Variants in CTPS1 observed in about 807,000 individuals in gnomAD.
CTPS1 encodes the protein CTP synthase 1.
CTPS1 carries 25 observed loss-of-function variants against 80.5 expected under a neutral mutation model. The ratio of observed to expected loss-of-function variants is 0.31; its 90% CI spans 0.23 to 0.43. CTPS1 has a LOEUF of 0.43. Among genes scored for constraint, CTPS1 ranks in the 20% least tolerant of loss-of-function variants. CTPS1 has a pLI of 1.00. For synonymous variants in CTPS1, 267 were observed against 252.5 expected (o/e 1.06, Z -0.54); for missense variants, 442 against 725.7 (o/e 0.61, Z 4.49).
rs1643110957 is a variant in CTPS1, at chr1:41,009,295, T to C, written c.1547-150T>C. On this transcript the variant is annotated intron_variant, in intron 16 of 18. Coordinates refer to ENST00000650070, the MANE Select transcript of CTPS1 (RefSeq NM_001905.4). The stretch of plus-strand genomic sequence containing the variant: ...GAAAGGGTATCAGATCACTCATGCT[T>C]TGAGGTTCCCTTTATCTAGATTCAA... The C allele has an allele frequency of 4.9e-6, 4 of 821,016 alleles. No individual in the cohort carries two copies. The South Asian group carries it at 7.8e-5, about 16-fold the overall frequency. The allele number at this position is 821,016 out of a possible 1,614,324, so 50.9% of individuals were successfully genotyped here.
chr1:41,006,261 C>A (rs189008339), intron 13 of CTPS1, among the ~76,000 whole-genome samples, 167 bp downstream of exon 13: 7 of 152,266 alleles, frequency 4.6e-5, no homozygotes, highest in African/African-American at 1.7e-4. Flanking sequence ...TTTTCTTTTT[C>A]ATTATGTAAT....
rs748558529 is a variant in CTPS1, at chr1:41,003,092, G to GT, written c.1190-16dup. 10 of 1,613,880 alleles carry GT rather than the reference G, an allele frequency of 6.2e-6. No homozygotes were observed. In the Admixed American group the frequency reaches 1.3e-4, roughly 22 times the overall value. ...CTGCCTTTTCAATGGAGTTTTGTTT[G>GT]TTTTTTCCCCCCGACTGGAAGGCGT... On this transcript the variant is annotated intron_variant, in intron 11 of 18. Coordinates refer to ENST00000650070, the MANE Select transcript of CTPS1 (RefSeq NM_001905.4).
At chr1:40,996,116 T>A (rs774523550) in intron 8 of CTPS1, 48 bp downstream of exon 8, 1 of 1,610,358 alleles carries the variant, frequency 6.2e-7, no homozygotes, top group Non-Finnish European at 8.5e-7. Flanking sequence ...TTTACTCTTT[T>A]GTAGGGCTGG....
chr1:41,009,459 GT>G lies in CTPS1; in HGVS notation c.1563del (p.Val523PhefsTer61), dbSNP rs1643114851. 1 of 1,566,050 alleles carries G rather than the reference GT, an allele frequency of 6.4e-7. No individual in the cohort carries two copies. ...IVELEDHPFF[V>X]GVQYHPEFLS... ...CTCTATTTCAGATCATCCCTTTTTT[GT>G]TGGGGTTCAGTACCACCCTGAGTTC... On this transcript the variant is annotated frameshift_variant, in exon 17 of 19. Transcript: ENST00000650070. LOFTEE classifies it high-confidence loss of function.
Position 41,007,692 on chromosome 1 carries a change from A to C in CTPS1, c.1393+147A>C. The C allele has an allele frequency of 1.5e-6, 1 of 655,144 alleles. No homozygotes were observed. The highest frequency in any genetic ancestry group is 2.7e-6 in the Non-Finnish European group (1 of 373,948). The allele number at this position is 655,144 out of a possible 1,614,324, so 40.6% of individuals were successfully genotyped here. ...GTTCATTCTTTCCTCTCTTATTCAT[A>C]CCCTTTTAGGATGCACTGTGATAGC... On this transcript the variant is annotated intron_variant, in intron 14 of 18. Coordinates refer to ENST00000650070, the MANE Select transcript of CTPS1 (RefSeq NM_001905.4). The surrounding 1 kb of genome is among the most constrained non-coding windows in gnomAD (Gnocchi z 4.4).
chr1:40,983,229 TG>T lies in CTPS1; in HGVS notation c.-13-47del, dbSNP rs1257044888. On this transcript the variant is annotated intron_variant, in intron 1 of 18. Coordinates refer to ENST00000650070, the MANE Select transcript of CTPS1 (RefSeq NM_001905.4). The stretch of plus-strand genomic sequence containing the variant: ...GCCAGTGTTTGAACCCAGATGAGTT[TG>T]GTTTGTTGAGATACATTTATATCAT... The T allele has an allele frequency of 2.7e-6, 4 of 1,507,062 alleles. No individual in the cohort carries two copies. The African/African-American group carries it at 5.5e-5, about 21-fold the overall frequency. The allele number at this position is 1,507,062 out of a possible 1,614,324, so 93.4% of individuals were successfully genotyped here.
At chr1:41,000,802 T>A (rs1297535468) in intron 9 of CTPS1, 1 of 249,998 alleles carries the variant, frequency 4.0e-6, no homozygotes, top group Non-Finnish European at 7.6e-6. Flanking sequence ...ATTTGGGAAT[T>A]TAATGATTTT....
At chr1:40,996,574 T>C (rs1363709313) in intron 8 of CTPS1, among the ~76,000 whole-genome samples, 1 of 152,190 alleles carries the variant, frequency 6.6e-6, no homozygotes, top group Non-Finnish European at 1.5e-5. Flanking sequence ...CCTTCAGAAA[T>C]CTTCACTTCG....
chr1:40,980,118 C>T (rs902858820), intron 1 of CTPS1: 2 of 151,332 alleles, frequency 1.3e-5, no homozygotes, highest in Non-Finnish European at 2.9e-5. Context: ...GCTGCGGGGC[C>T]TGCGCTGCCG....
intron 1 of CTPS1, among the ~76,000 whole-genome samples, chr1:40,982,667 G>A (rs1212799165): frequency 6.6e-6 from 1 of 152,204 alleles, no homozygotes; most frequent in Non-Finnish European, 1.5e-5. Context: ...TGGGATTACA[G>A]GCATGAGCCA....
intron 6 of CTPS1, 38 bp downstream of exon 6, chr1:40,991,286 T>C (rs1167770231): frequency 1.4e-6 from 2 of 1,454,780 alleles, no homozygotes; most frequent in Non-Finnish European, 1.9e-6. Context: ...TGTAATCTTT[T>C]ATGTCTAGTT....
intron 2 of CTPS1, 88 bp from the exon 3 acceptor site, chr1:40,984,733 G>T: frequency 9.5e-7 from 1 of 1,054,152 alleles, no homozygotes; most frequent in South Asian, 2.6e-5. Flanking sequence ...TGCACACCTT[G>T]TTAATGAGTG....
intron 13 of CTPS1, among the ~76,000 whole-genome samples, chr1:41,006,664 C>T (rs1643041905): frequency 6.6e-6 from 1 of 152,112 alleles, no homozygotes; most frequent in African/African-American, 2.4e-5. Flanking sequence ...CTTTAATCAC[C>T]TTTGAATTCC....
chr1:41,002,353 C>T, intron 11 of CTPS1, 99 bp downstream of exon 11: 1 of 942,978 alleles, frequency 1.1e-6, no homozygotes, highest in Non-Finnish European at 1.7e-6. Flanking sequence ...ATTACTGAAA[C>T]ATGCTGTCTT....
intron 2 of CTPS1, 92 bp from the exon 3 acceptor site, chr1:40,984,729 C>A: frequency 9.8e-7 from 1 of 1,019,946 alleles, no homozygotes; most frequent in Non-Finnish European, 1.4e-6. Flanking sequence ...TAATTGCACA[C>A]CTTGTTAATG....
chr1:40,997,349 T>C (rs111962644), intron 8 of CTPS1, 45 bp from the exon 9 acceptor site: 6 of 1,598,758 alleles, frequency 3.8e-6, no homozygotes, highest in Non-Finnish European at 5.1e-6. Flanking sequence ...CATGATAGCG[T>C]GTACCTTCTG....
At chr1:40,985,395 A>G (rs1178701850) in intron 3 of CTPS1, among the ~76,000 whole-genome samples, 1 of 152,218 alleles carries the variant, frequency 6.6e-6, no homozygotes, top group Non-Finnish European at 1.5e-5. Context: ...ATGAACATCT[A>G]TTGTGTATAC....
rs1643056348 is a variant in CTPS1, at chr1:41,007,255, G to A, written c.1297-194G>A. Among the ~76,000 whole-genome samples the A allele has an allele frequency of 1.3e-5, 2 of 152,224 alleles. No individual in the cohort carries two copies. Among genetic ancestry groups the A allele is most frequent in the South Asian group, 4.1e-4 (2 of 4,830 alleles). On this transcript the variant is annotated intron_variant, in intron 13 of 18. Transcript: ENST00000650070. This position sits in a 1 kb window ranked among gnomAD's most constrained non-coding sequence, Gnocchi z 4.4. ...CTGCAGATCAGGAGGACAGGCTGAAGGACGGAGCCTCCACCCAACCGAGGT... is the reference window on the plus strand; with the variant it reads ...CTGCAGATCAGGAGGACAGGCTGAAAGACGGAGCCTCCACCCAACCGAGGT...
At chr1:41,005,592 G>T (rs1333150082) in intron 12 of CTPS1, among the ~76,000 whole-genome samples, 3 of 152,144 alleles carry the variant, frequency 2.0e-5, no homozygotes, top group South Asian at 4.1e-4. Context: ...GTGTGTGTGG[G>T]TTGAGTATTT....
Sources: gnomAD v4.1 joint callset for allele counts (sites outside exome capture counted in the v4.1 genomes callset) on GRCh38, gnomAD v4.1.1 for gene constraint, Gnocchi (gnomAD v3.1) non-coding constraint, MANE v1.5 for transcripts, NCBI Gene and HGNC (gene_info 2026-07-23, HGNC 2026-07-21) for gene names.